The following INSRR variants were observed in gnomAD, a reference collection of about 807,000 sequenced individuals.
The protein encoded by INSRR is insulin receptor related receptor, also known as insulin receptor-related protein.
INSRR carries 114 observed loss-of-function variants against 130.0 expected under a neutral mutation model. That is an observed-to-expected ratio of 0.88 (90% CI 0.75 to 1.02). The LOEUF (loss-of-function observed/expected upper bound fraction) is 1.02, where lower values mean the gene tolerates loss of function less well. Among genes scored for constraint, INSRR ranks in the 50% least tolerant of loss-of-function variants. The pLI, the probability that INSRR is intolerant of heterozygous loss-of-function variation, is 0.00. For synonymous variants in INSRR, 674 were observed against 705.2 expected (o/e 0.96, Z 0.70); for missense variants, 1,657 against 1,735.2 (o/e 0.95, Z 0.80).
intron 19 of INSRR, 148 bp from the exon 20 acceptor site, chr1:156,841,942 T>A: frequency 6.5e-7 from 1 of 1,550,230 alleles, no homozygotes; most frequent in Non-Finnish European, 8.9e-7. Flanking sequence ...TCAGAACTCA[T>A]CCCATCCAAA....
Position 156,849,155 on chromosome 1 carries a change from CAG to C in INSRR, c.1444+89_1444+90del, listed in dbSNP as rs1655114817. 4.4e-6 allele frequency: 7 copies of C among 1,600,406 alleles called. No individual in the cohort carries two copies. In the Admixed American group the frequency reaches 5.0e-5, roughly 11 times the overall value. ...AGTGAGACCTCTGAGGAGAACTTCT[CAG>C]AGTGTCCCCCTCGAGCTTTCTCCCT... is the stretch of plus-strand genomic sequence containing the variant. On this transcript the variant is annotated intron_variant, in intron 6 of 21. Coordinates refer to ENST00000368195, the MANE Select transcript of INSRR (RefSeq NM_014215.3).
rs1228237198 is a variant in INSRR, at chr1:156,845,937, G to A, written c.1978+15C>T. ...CACCCGCCCCGCGGCCGGCCTGCGCGTCGTCCCTGCGCACCGCGGTGGCAG... is the reference window on the plus strand; with the variant it reads ...CACCCGCCCCGCGGCCGGCCTGCGCATCGTCCCTGCGCACCGCGGTGGCAG... On this transcript the variant is annotated intron_variant, in intron 9 of 21. Coordinates refer to ENST00000368195, the MANE Select transcript of INSRR (RefSeq NM_014215.3). 6.2e-7 allele frequency: 1 copy of A among 1,608,504 alleles called. No individual in the cohort carries two copies. Among genetic ancestry groups the A allele is most frequent in the Non-Finnish European group, 8.5e-7 (1 of 1,177,286 alleles).
At chr1:156,844,014 C>T (rs1411276436) in intron 15 of INSRR, among the ~76,000 whole-genome samples, 161 bp downstream of exon 15, 1 of 152,000 alleles carries the variant, frequency 6.6e-6, no homozygotes, top group Non-Finnish European at 1.5e-5. Context: ...AGTTGGTCAC[C>T]CTAACTGAGA....
intron 2 of INSRR, 21 bp downstream of exon 2, chr1:156,853,731 A>T (rs772696462): frequency 7.6e-6 from 12 of 1,581,166 alleles, no homozygotes; most frequent in South Asian, 5.7e-5. Flanking sequence ...CCCTACATTC[A>T]TGTTCTGTGC....
At chr1:156,846,485 G>C in intron 8 of INSRR, 34 bp downstream of exon 8, 1 of 1,539,856 alleles carries the variant, frequency 6.5e-7, no homozygotes, top group African/African-American at 1.4e-5. Context: ...GGATGCAGGC[G>C]TCTGACTGAC....
At chr1:156,852,928 A>G (rs747199410) in intron 2 of INSRR, among the ~76,000 whole-genome samples, 48 of 152,068 alleles carry the variant, frequency 3.2e-4, no homozygotes, top group Non-Finnish European at 6.5e-4. Context: ...TGGGGGTGAG[A>G]GGAGCTGACC....
rs4661062 is a variant in INSRR, at chr1:156,854,881, G to A, written c.86-578C>T. ...GTTTCTCCTCTGCTTATAACCCCCC[G>A]TGACTTCCATCTCTCTTGATCTTAC... On this transcript the variant is annotated intron_variant, in intron 1 of 21. Coordinates refer to ENST00000368195, the MANE Select transcript of INSRR (RefSeq NM_014215.3). This position sits in a 1 kb window ranked among gnomAD's most constrained non-coding sequence, Gnocchi z 4.2. Among the ~76,000 whole-genome samples the A allele has an allele frequency of 0.052, 7,885 of 152,066 alleles. 226 individuals carry two copies. Among genetic ancestry groups the A allele is most frequent in the East Asian group, 0.085 (439 of 5,168 alleles).
chr1:156,852,025 C>T lies in INSRR; in HGVS notation c.804G>A (p.Gln268=). The T allele has an allele frequency of 6.2e-7, 1 of 1,613,498 alleles. No homozygotes were observed. Among genetic ancestry groups the T allele is most frequent in the Non-Finnish European group, 8.5e-7 (1 of 1,179,850 alleles). Residue 268 remains glutamine (Q), a synonymous_variant, in exon 3 of 22, where the codon CAG becomes CAA. Coordinates refer to ENST00000368195, the MANE Select transcript of INSRR (RefSeq NM_014215.3). The stretch of plus-strand genomic sequence containing the variant: ...CTGTGACACAGCGCCAGGACTCATA[C>T]TGGTAGGTGCCTGGCGGGCAGGCCC... ...CLWACPPGTY[Q]YESWRCVTAE... is the part of the protein sequence containing the mutation.
At chr1:156,849,500 G>A (rs1417701358) in intron 5 of INSRR, 40 bp from the exon 6 acceptor site, 1 of 1,330,596 alleles carries the variant, frequency 7.5e-7, no homozygotes. Flanking sequence ...GGGGAGGTGG[G>A]GGCAGGGGGT....
rs754129939 is a variant in INSRR, at chr1:156,851,726, A to G, written c.1004T>C (p.Ile335Thr). 3.7e-5 allele frequency: 59 copies of G among 1,614,068 alleles called. No individual in the cohort carries two copies. The Admixed American group carries it at 9.8e-4, about 27-fold the overall frequency. Residue 335 changes from isoleucine to threonine, a missense_variant, in exon 4 of 22, where the codon ATC becomes ACC. Coordinates refer to ENST00000368195, the MANE Select transcript of INSRR (RefSeq NM_014215.3). Reference sequence around the variant, plus strand: ...ATCCTGTGCCGCCTGGATGGAGTCGATGGTCTTGGTGCCTACCTTGCACTC... The same window carrying G: ...ATCCTGTGCCGCCTGGATGGAGTCGGTGGTCTTGGTGCCTACCTTGCACTC... ...PKECKVGTKT[I>T]DSIQAAQDLV... is the part of the protein sequence containing the mutation.
rs55951840 is a variant in INSRR at position 156,852,098 on chromosome 1, C to T, written c.731G>A (p.Arg244His). 9.1e-4 allele frequency: 1,465 copies of T among 1,613,704 alleles called. 11 individuals carry two copies. The African/African-American group carries it at 0.016, about 18-fold the overall frequency. The change falls in exon 3 of 22, where the codon CGT becomes CAT. Residue 244 changes from arginine to histidine, a missense_variant. Coordinates refer to ENST00000368195, the MANE Select transcript of INSRR (RefSeq NM_014215.3). ...GAGGTGGCGGCAAGCTACACAGGCA[C>T]GAGGGTCTTCTGGCTGGCTGCAGCC... The part of the protein sequence containing the change: ...LGGCSQPEDP[R>H]ACVACRHLYF...
chr1:156,845,701 CCTGACCAGGAGGTGGGTG>C lies in INSRR; in HGVS notation c.2074_2091del (p.His692_Gln697del). On this transcript the variant is annotated inframe_deletion, in exon 10 of 22. Coordinates refer to ENST00000368195, the MANE Select transcript of INSRR (RefSeq NM_014215.3). ...TCTTGCGCCTCCAGCGGGGGCAGAA[CCTGACCAGGAGGTGGGTG>C]CTGGCAAGGGCAGCAGTCGGACTCC... is the stretch of plus-strand genomic sequence containing the variant. 1.2e-6 allele frequency: 2 copies of C among 1,613,480 alleles called. No individual in the cohort carries two copies. Among genetic ancestry groups the C allele is most frequent in the Non-Finnish European group, 1.7e-6 (2 of 1,179,832 alleles).
At position 156,854,170 on chromosome 1, in the gene INSRR, G is replaced by A. The variant is rs1490474721; in HGVS notation, c.219C>T (p.Phe73=). Residue 73 remains phenylalanine, a synonymous_variant, in exon 2 of 22, where the codon TTC becomes TTT. Transcript: ENST00000368195. The surrounding 1 kb of genome is among the most constrained non-coding windows in gnomAD (Gnocchi z 4.2). The part of the protein sequence containing the change: ...ATGEDFRGLS[F]PRLTQVTDYL... ...AGTCGGTGACCTGGGTGAGGCGAGG[G>A]AAGCTGAGGCCGCGGAAGTCCTCCC... 1 of 1,614,154 alleles carries A rather than the reference G, an allele frequency of 6.2e-7. No individual in the cohort carries two copies.
chr1:156,847,681 G>T (rs1334206463), intron 7 of INSRR, among the ~76,000 whole-genome samples: 1 of 151,982 alleles, frequency 6.6e-6, no homozygotes, highest in Non-Finnish European at 1.5e-5. Context: ...GGGGGTGGGG[G>T]CTCATAGTGG....
chr1:156,854,195 C>T lies in INSRR; in HGVS notation c.194G>A (p.Gly65Glu), dbSNP rs754913445. The T allele has an allele frequency of 6.2e-7, 1 of 1,614,088 alleles. No individual in the cohort carries two copies. Among genetic ancestry groups the T allele is most frequent in the African/African-American group, 1.3e-5 (1 of 75,064 alleles). Residue 65 changes from glycine (G) to glutamate (E), a missense_variant, in exon 2 of 22, where the codon GGG (glycine) becomes GAG (glutamate). Coordinates refer to ENST00000368195, the MANE Select transcript of INSRR (RefSeq NM_014215.3). The surrounding 1 kb of genome is among the most constrained non-coding windows in gnomAD (Gnocchi z 4.2). ...LQILLMFTAT[G>E]EDFRGLSFPR... ...GAAGCTGAGGCCGCGGAAGTCCTCCCCGGTGGCTGTGAACATGAGCAGGAT... is the reference window on the plus strand; with the variant it reads ...GAAGCTGAGGCCGCGGAAGTCCTCCTCGGTGGCTGTGAACATGAGCAGGAT...
chr1:156,851,441 A>G lies in INSRR; in HGVS notation c.1085-7T>C, dbSNP rs909749559. The G allele has an allele frequency of 1.2e-6, 2 of 1,614,054 alleles. No individual in the cohort carries two copies. The highest frequency in any genetic ancestry group is 3.3e-5 in the Admixed American group (2 of 60,014). On this transcript the variant is annotated splice_region_variant and splice_polypyrimidine_tract_variant and intron_variant, in intron 4 of 21. Transcript: ENST00000368195. ...AGCTGTGGCTCCAGGTTGTCTAGGG[A>G]TGGGAAGACAGGGCTGGAGTAGGAG...
chr1:156,855,352 C>T (rs1005552588), intron 1 of INSRR, among the ~76,000 whole-genome samples: 4 of 152,034 alleles, frequency 2.6e-5, no homozygotes, highest in Admixed American at 2.0e-4. Flanking sequence ...TACAGGTGCC[C>T]GCCGCCATAC....
At chr1:156,843,406 T>C (rs749021351) in intron 16 of INSRR, 21 bp downstream of exon 16, 1 of 1,612,932 alleles carries the variant, frequency 6.2e-7, no homozygotes, top group South Asian at 1.1e-5. Context: ...ACACCACCTG[T>C]CCACCCACTC....
intron 5 of INSRR, among the ~76,000 whole-genome samples, chr1:156,850,580 C>T (rs1384323231): frequency 9.0e-6 from 1 of 111,730 alleles, no homozygotes; most frequent in Non-Finnish European, 1.7e-5. Flanking sequence ...TGGAGTCCCT[C>T]TCTGTAACTC....
Sources: gnomAD v4.1 joint callset for allele counts (sites outside exome capture counted in the v4.1 genomes callset) on GRCh38, gnomAD v4.1.1 for gene constraint, Gnocchi (gnomAD v3.1) non-coding constraint, MANE v1.5 for transcripts, NCBI Gene and HGNC (gene_info 2026-07-23, HGNC 2026-07-21) for gene names.